Variants in BAZ2B observed in about 807,000 individuals in gnomAD.
BAZ2B encodes bromodomain adjacent to zinc finger domain 2B.
Under a neutral mutation model 246.0 loss-of-function variants are expected in BAZ2B, and 91 were observed. The ratio of observed to expected loss-of-function variants is 0.37; its 90% CI spans 0.31 to 0.44. The LOEUF is 0.44. BAZ2B is among the 20% of genes least tolerant of loss of function. BAZ2B has a pLI of 1.00. For missense variants in BAZ2B, 2,332 were observed against 2,533.7 expected (o/e 0.92, Z 1.71); for synonymous variants, 855 against 860.0 (o/e 0.99, Z 0.10).
At chr2:159,586,692 G>C (rs1411785419) in intron 1 of BAZ2B, among the ~76,000 whole-genome samples, 1 of 151,986 alleles carries the variant, frequency 6.6e-6, no homozygotes, top group Admixed American at 6.6e-5. Context: ...AACAAAATGA[G>C]ATCCTGTCCC....
chr2:159,656,989 T>G, the BAZ2B span, among the ~76,000 whole-genome samples: 1 of 152,168 alleles, frequency 6.6e-6, no homozygotes, highest in Non-Finnish European at 1.5e-5. Flanking sequence ...TAAATTTTAA[T>G]CTTGTACAAC....
chr2:159,643,970 T>A, the BAZ2B span, among the ~76,000 whole-genome samples: 1 of 149,200 alleles, frequency 6.7e-6, no homozygotes, highest in African/African-American at 2.5e-5. Context: ...CTAACCTGGG[T>A]AAAGTGGCTG....
chr2:159,704,452 C>T, the BAZ2B span, among the ~76,000 whole-genome samples: 1 of 122,744 alleles, frequency 8.1e-6, no homozygotes, highest in Non-Finnish European at 1.7e-5. Context: ...TCCTTCCTCC[C>T]TCCCTCCCTC....
chr2:159,380,107 T>C lies in BAZ2B; in HGVS notation c.4005+2452A>G, dbSNP rs139721273. The stretch of plus-strand genomic sequence containing the variant: ...CACCTTGATTGAAGCCCCTCCAAAA[T>C]CTTTAGAACCTTATACCACAGTGCT... On this transcript the variant is annotated intron_variant, in intron 25 of 36. Coordinates refer to ENST00000392783, the MANE Select transcript of BAZ2B (RefSeq NM_013450.4). Among the ~76,000 whole-genome samples the C allele has an allele frequency of 8.4e-3, 1,285 of 152,266 alleles. 18 individuals carry two copies. The highest frequency in any genetic ancestry group is 0.02 in the Middle Eastern group (6 of 294).
At chr2:159,321,379 T>C (rs754335076) in intron 36 of BAZ2B, among the ~76,000 whole-genome samples, 1 of 152,164 alleles carries the variant, frequency 6.6e-6, no homozygotes, top group African/African-American at 2.4e-5. Context: ...AGAGCTACCA[T>C]GTGATCCAGC....
intron 2 of BAZ2B, among the ~76,000 whole-genome samples, chr2:159,486,652 AC>A (rs1192201745): frequency 6.7e-6 from 1 of 149,812 alleles, no homozygotes; most frequent in East Asian, 1.9e-4. Flanking sequence ...TTTTAGTATT[AC>A]CACTTTCCTA....
intron 2 of BAZ2B, among the ~76,000 whole-genome samples, chr2:159,506,552 G>A (rs1242846651): frequency 6.6e-6 from 1 of 152,116 alleles, no homozygotes; most frequent in Non-Finnish European, 1.5e-5. Context: ...CCTGGTACTT[G>A]GGCAGTAACT....
intron 2 of BAZ2B, among the ~76,000 whole-genome samples, chr2:159,531,518 A>G (rs2085379789): frequency 6.6e-6 from 1 of 152,156 alleles, no homozygotes; most frequent in Admixed American, 6.5e-5. Context: ...GATGACAACT[A>G]TTTATCTACT....
the BAZ2B span, among the ~76,000 whole-genome samples, chr2:159,633,738 C>CTTTTTTTTTTT: frequency 8.3e-6 from 1 of 120,284 alleles, no homozygotes; most frequent in African/African-American, 3.1e-5. Flanking sequence ...TCACTTTATT[C>CTTTTTTTTTTT]TTTTTTTTTT....
chr2:159,472,004 G>A, intron 3 of BAZ2B, among the ~76,000 whole-genome samples: 1 of 152,176 alleles, frequency 6.6e-6, no homozygotes, highest in East Asian at 1.9e-4. Flanking sequence ...GAGCTGGGGA[G>A]ATATGGCAGA....
intron 1 of BAZ2B, among the ~76,000 whole-genome samples, chr2:159,570,522 G>A (rs1428858768): frequency 1.3e-5 from 2 of 152,114 alleles, no homozygotes; most frequent in Non-Finnish European, 2.9e-5. Context: ...TATAGAAGAA[G>A]ACAGGATATA....
At chr2:159,398,174 C>T (rs2064352865) in intron 18 of BAZ2B, 1 of 152,082 alleles carries the variant, frequency 6.6e-6, no homozygotes, top group African/African-American at 2.4e-5. Context: ...GCTCACCCAG[C>T]TACCCCCTTT....
Position 159,336,792 on chromosome 2 carries a change from G to A in BAZ2B, c.5796+150C>T, listed in dbSNP as rs931278473. ...AAAGGTTCCTTCAGTAAGGAGGAAA[G>A]TATCAAAAATCTTTTAGAATTAGAA... On this transcript the variant is annotated intron_variant, in intron 33 of 36. Coordinates refer to ENST00000392783, the MANE Select transcript of BAZ2B (RefSeq NM_013450.4). The A allele has an allele frequency of 5.3e-5, 35 of 655,406 alleles. No individual in the cohort carries two copies. In the African/African-American group the frequency reaches 6.2e-4, roughly 12 times the overall value. The allele number at this position is 655,406 out of a possible 1,614,324, so 40.6% of individuals were successfully genotyped here. A position where few individuals can be genotyped will look rare whatever the true frequency, so the allele number is the denominator to read the frequency against.
intron 3 of BAZ2B, among the ~76,000 whole-genome samples, chr2:159,476,306 G>C (rs926712940): frequency 3.3e-5 from 5 of 151,940 alleles, no homozygotes; most frequent in Non-Finnish European, 5.9e-5. Flanking sequence ...TCATGTTTTA[G>C]GTACTAAAAA....
chr2:159,332,702 A>G lies in BAZ2B; in HGVS notation c.5797-16T>C, dbSNP rs201931006. On this transcript the variant is annotated splice_polypyrimidine_tract_variant and intron_variant, in intron 33 of 36. Coordinates refer to ENST00000392783, the MANE Select transcript of BAZ2B (RefSeq NM_013450.4). ...TTTGGCAGTACTATAATACATGAAA[A>G]ATCATTTAAAATTAACGCTCTGCCA... is the stretch of plus-strand genomic sequence containing the variant. The G allele has an allele frequency of 7.1e-4, 1,140 of 1,611,688 alleles. No individual in the cohort carries two copies. Among genetic ancestry groups the G allele is most frequent in the Non-Finnish European group, 9.0e-4 (1,062 of 1,178,862 alleles).
At chr2:159,651,552 A>G in the BAZ2B span, among the ~76,000 whole-genome samples, 3 of 152,230 alleles carry the variant, frequency 2.0e-5, no homozygotes, top group African/African-American at 7.2e-5. Context: ...AGGAAGATAT[A>G]ATTTTTTGAG....
At chr2:159,605,161 A>G (rs1693169369) in intron 1 of BAZ2B, among the ~76,000 whole-genome samples, 1 of 151,632 alleles carries the variant, frequency 6.6e-6, no homozygotes, top group African/African-American at 2.4e-5. Context: ...CCAAGTAGCC[A>G]GGCCTACGGG....
intron 2 of BAZ2B, among the ~76,000 whole-genome samples, chr2:159,537,465 T>A (rs1420573631): frequency 6.6e-6 from 1 of 152,232 alleles, no homozygotes; most frequent in Non-Finnish European, 1.5e-5. Context: ...GACTGAGGAA[T>A]CTAACTAATT....
intron 3 of BAZ2B, among the ~76,000 whole-genome samples, chr2:159,455,474 C>T (rs1050084986): frequency 6.6e-6 from 1 of 152,040 alleles, no homozygotes. Flanking sequence ...TAGTGCTCCA[C>T]TACAACAAAG....
Sources: allele counts gnomAD v4.1 joint callset (sites outside exome capture counted in the v4.1 genomes callset), GRCh38; gene constraint gnomAD v4.1.1; transcripts MANE v1.5; gene names NCBI Gene and HGNC (gene_info 2026-07-23, HGNC 2026-07-21).